Variants in ADARB1 observed in about 807,000 individuals in gnomAD.
ADARB1 encodes the protein adenosine deaminase RNA specific B1, also known as double-stranded RNA-specific editase 1.
Under a neutral mutation model 52.4 loss-of-function variants are expected in ADARB1, and 10 were observed. The observed-to-expected ratio is 0.19, with a 90% CI of 0.12 to 0.32. The LOEUF is 0.32. Ranked by LOEUF, ADARB1 falls within the 10% of genes least tolerant of loss-of-function variation. The pLI is 1.00. For missense variants in ADARB1, 643 were observed against 922.3 expected (o/e 0.70, Z 3.92); for synonymous variants, 349 against 371.1 (o/e 0.94, Z 0.68).
In ADARB1 at chr21:45,208,382, T is replaced by C. The variant is rs1368132566; in HGVS notation, c.1747+3646T>C. 3.3e-5 allele frequency among the ~76,000 whole-genome samples: 5 copies of C among 151,982 alleles called. No individual in the cohort carries two copies. Among genetic ancestry groups the C allele is most frequent in the African/African-American group, 1.2e-4 (5 of 41,366 alleles). ...AACAAGGCTACATGATGGGGTAGGG[T>C]CCTTGTGAAGAGCTTGCATTTAGGT... On this transcript the variant is annotated intron_variant, in intron 9 of 10. Transcript: ENST00000348831. This position sits in a 1 kb window ranked among gnomAD's most constrained non-coding sequence, Gnocchi z 5.6.
At chr21:45,136,692 A>AG (rs1423634217) in intron 2 of ADARB1, among the ~76,000 whole-genome samples, 1 of 152,250 alleles carries the variant, frequency 6.6e-6, no homozygotes, top group Non-Finnish European at 1.5e-5. Flanking sequence ...CTGGGAGAGC[A>AG]GGGGTGTCCC....
At position 45,205,619 on chromosome 21, in the gene ADARB1, T is replaced by G. The variant is rs2092651655; in HGVS notation, c.1747+883T>G. Among the ~76,000 whole-genome samples the G allele has an allele frequency of 2.0e-5, 3 of 152,352 alleles. No homozygotes were observed. The South Asian group carries it at 6.2e-4, about 32-fold the overall frequency. ...GTCTCCCTGGTGTCTGCACCTACCC[T>G]CGATTCCCTTCATTGCTGGTTTTCT... On this transcript the variant is annotated intron_variant, in intron 9 of 10. Transcript: ENST00000348831.
rs1456362093 is a variant in ADARB1, at chr21:45,142,392, CTG to C, written c.-48+13820_-48+13821del. Among the ~76,000 whole-genome samples, 6 of 152,222 alleles carry C rather than the reference CTG, an allele frequency of 3.9e-5. No homozygotes were observed. Among genetic ancestry groups the C allele is most frequent in the African/African-American group, 1.4e-4 (6 of 41,452 alleles). ...GAAGTAGAGGAATGTTGCAAGTAGA[CTG>C]AAAGTTATACTTAGTCTGTTCTGTT... On this transcript the variant is annotated intron_variant, in intron 2 of 10. Coordinates refer to ENST00000348831, the MANE Select transcript of ADARB1 (RefSeq NM_001112.4). The surrounding 1 kb of genome is among the most constrained non-coding windows in gnomAD (Gnocchi z 4.0).
intron 1 of ADARB1, among the ~76,000 whole-genome samples, chr21:45,114,647 CGTT>C (rs372165793): frequency 9.9e-5 from 15 of 152,226 alleles, no homozygotes; most frequent in African/African-American, 2.9e-4. Context: ...CTATTAATAA[CGTT>C]GTTGAGGTTG....
chr21:45,155,555 T>C (rs1206730867), intron 2 of ADARB1, among the ~76,000 whole-genome samples: 1 of 151,964 alleles, frequency 6.6e-6, no homozygotes, highest in Admixed American at 6.6e-5. Context: ...ATCCATCTGT[T>C]CACTCATTTA....
At chr21:45,085,852 A>G (rs533896681) in intron 1 of ADARB1, among the ~76,000 whole-genome samples, 6 of 152,326 alleles carry the variant, frequency 3.9e-5, no homozygotes, top group African/African-American at 1.4e-4. Context: ...GACGTCATTG[A>G]GCATGTGCCT....
rs545083405 is a variant in ADARB1 at position 45,138,553 on chromosome 21, A to G, written c.-48+9980A>G. On this transcript the variant is annotated intron_variant, in intron 2 of 10. Transcript: ENST00000348831. ...AGCTCTTGTCTATTCCTTTTGTCAG[A>G]GACATTGTGGAAGCCCTCAGCATAT... Among the ~76,000 whole-genome samples, 7 of 152,324 alleles carry G rather than the reference A, an allele frequency of 4.6e-5. No homozygotes were observed. The East Asian group carries it at 1.4e-3, about 29-fold the overall frequency.
At chr21:45,141,633 C>T (rs1380042019) in intron 2 of ADARB1, among the ~76,000 whole-genome samples, 1 of 152,118 alleles carries the variant, frequency 6.6e-6, no homozygotes, top group Non-Finnish European at 1.5e-5. Context: ...GCCACCTTCA[C>T]CACCCGTGGG....
chr21:45,123,216 C>A (rs534405990), intron 1 of ADARB1, among the ~76,000 whole-genome samples: 47 of 152,290 alleles, frequency 3.1e-4, no homozygotes, highest in African/African-American at 1.1e-3. Flanking sequence ...CAGTTTCCTT[C>A]ATGCTCCTCC....
At chr21:45,182,438 G>T (rs1369508942) in intron 5 of ADARB1, 147 bp from the exon 6 acceptor site, 5 of 783,148 alleles carry the variant, frequency 6.4e-6, no homozygotes, top group Non-Finnish European at 7.7e-6. Context: ...AAAATAGGTG[G>T]TAAGAATATG....
chr21:45,136,072 G>C (rs1334101439), intron 2 of ADARB1, among the ~76,000 whole-genome samples: 1 of 152,184 alleles, frequency 6.6e-6, no homozygotes, highest in East Asian at 1.9e-4. Flanking sequence ...ATGGGGGTGG[G>C]AGGGATCAGA....
At chr21:45,119,353 A>G (rs2088017750) in intron 1 of ADARB1, among the ~76,000 whole-genome samples, 1 of 152,232 alleles carries the variant, frequency 6.6e-6, no homozygotes, top group Admixed American at 6.5e-5. Context: ...GGCCTCCCAA[A>G]GTGCTGAGCA....
At chr21:45,080,150 T>TA (rs1182459998) in intron 1 of ADARB1, among the ~76,000 whole-genome samples, 1 of 152,008 alleles carries the variant, frequency 6.6e-6, no homozygotes, top group Non-Finnish European at 1.5e-5. Flanking sequence ...AGGAAACAAA[T>TA]AGAGTAGAGG....
chr21:45,082,346 T>G (rs2086186032), intron 1 of ADARB1, among the ~76,000 whole-genome samples: 1 of 152,242 alleles, frequency 6.6e-6, no homozygotes, highest in Non-Finnish European at 1.5e-5. Flanking sequence ...AAGTACACTT[T>G]CTATTAAATA....
intron 1 of ADARB1, among the ~76,000 whole-genome samples, chr21:45,126,383 C>T (rs1215549363): frequency 6.6e-6 from 1 of 152,114 alleles, no homozygotes; most frequent in Non-Finnish European, 1.5e-5. Flanking sequence ...TTTTTTCAGC[C>T]GCTGTCTGCT....
chr21:45,218,416 A>G (rs1455074307), intron 9 of ADARB1, among the ~76,000 whole-genome samples: 3 of 151,994 alleles, frequency 2.0e-5, no homozygotes, highest in African/African-American at 7.3e-5. Context: ...TTATGTCTGT[A>G]TCTTCTATAT....
At chr21:45,075,130 C>A (rs563704147) in intron 1 of ADARB1, among the ~76,000 whole-genome samples, 1 of 148,686 alleles carries the variant, frequency 6.7e-6, no homozygotes, top group South Asian at 2.1e-4. Flanking sequence ...CCCTGGGGAC[C>A]GAGACTGCGT....
chr21:45,200,365 C>T lies in ADARB1; in HGVS notation c.1566-4190C>T, dbSNP rs973524049. Among the ~76,000 whole-genome samples the T allele has an allele frequency of 6.6e-6, 1 of 152,116 alleles. No individual in the cohort carries two copies. The highest frequency in any genetic ancestry group is 1.5e-5 in the Non-Finnish European group (1 of 68,026). ...GAGGCTCCCATGGGGTTGGCCACCC[C>T]ACGGTGATTATGTTGGCGCGGGAGC... is the stretch of plus-strand genomic sequence containing the variant. On this transcript the variant is annotated intron_variant, in intron 8 of 10. Transcript: ENST00000348831. This position sits in a 1 kb window ranked among gnomAD's most constrained non-coding sequence, Gnocchi z 5.0.
intron 2 of ADARB1, among the ~76,000 whole-genome samples, chr21:45,159,730 T>G (rs1017769506): frequency 6.6e-6 from 1 of 152,094 alleles, no homozygotes; most frequent in Non-Finnish European, 1.5e-5. Context: ...TCTTCTGACT[T>G]TTGGGATTGT....
Sources: gnomAD v4.1 joint callset for allele counts (sites outside exome capture counted in the v4.1 genomes callset) on GRCh38, gnomAD v4.1.1 for gene constraint, Gnocchi (gnomAD v3.1) non-coding constraint, MANE v1.5 for transcripts, NCBI Gene and HGNC (gene_info 2026-07-23, HGNC 2026-07-21) for gene names.